Variants in OR6N1 observed in about 807,000 individuals in gnomAD.
The protein encoded by OR6N1 is olfactory receptor family 6 subfamily N member 1, also known as olfactory receptor 6N1.
For missense variants in OR6N1, 394 were observed against 371.7 expected, an observed-to-expected ratio of 1.06 and a Z score of -0.49; for synonymous variants, 170 against 150.7, an observed-to-expected ratio of 1.13 and a Z score of -0.94.
chr1:158,816,410 G>A, the OR6N1 span, among the ~76,000 whole-genome samples: 4 of 151,972 alleles, frequency 2.6e-5, no homozygotes, highest in African/African-American at 9.7e-5. Flanking sequence ...TTTTTGCCCA[G>A]GCTGGGAGCA....
the OR6N1 span, among the ~76,000 whole-genome samples, chr1:158,822,311 G>A: frequency 6.5e-4 from 99 of 152,242 alleles, no homozygotes; most frequent in South Asian, 5.8e-3. Context: ...CAATTTTAAT[G>A]TATTGATTAT....
chr1:158,788,846 G>C, the OR6N1 span, among the ~76,000 whole-genome samples: 1 of 151,866 alleles, frequency 6.6e-6, no homozygotes, highest in African/African-American at 2.4e-5. Context: ...TATCCAACTT[G>C]ATGTTTATGT....
the OR6N1 span, among the ~76,000 whole-genome samples, chr1:158,799,645 A>T: frequency 6.6e-6 from 1 of 152,244 alleles, no homozygotes; most frequent in Non-Finnish European, 1.5e-5. Flanking sequence ...GAAAATAGAC[A>T]AAGGACATCC....
At chr1:158,820,353 C>A in the OR6N1 span, among the ~76,000 whole-genome samples, 6 of 152,226 alleles carry the variant, frequency 3.9e-5, no homozygotes, top group Non-Finnish European at 5.9e-5. Context: ...CTATTCCCAA[C>A]AACTTTGAGT....
upstream of OR6N1, chr1:158,775,241 C>T (rs1558034902): frequency 6.6e-6 from 1 of 152,142 alleles, no homozygotes; most frequent in Non-Finnish European, 1.5e-5. Context: ...CAGAAGTCCT[C>T]TCAAAGCTAG....
chr1:158,789,924 T>C, the OR6N1 span, among the ~76,000 whole-genome samples: 1 of 152,238 alleles, frequency 6.6e-6, no homozygotes, highest in African/African-American at 2.4e-5. Context: ...GCCAATGCCC[T>C]GAAGTATTTC....
chr1:158,834,968 G>T, the OR6N1 span, among the ~76,000 whole-genome samples: 4 of 152,082 alleles, frequency 2.6e-5, no homozygotes, highest in Non-Finnish European at 1.5e-5. Context: ...ATATTCCATT[G>T]TTCTTTATGT....
At chr1:158,806,958 G>A in the OR6N1 span, among the ~76,000 whole-genome samples, 5 of 142,660 alleles carry the variant, frequency 3.5e-5, no homozygotes, top group South Asian at 4.4e-4. Context: ...AGCTGAGATC[G>A]CGCCATTGCA....
the OR6N1 span, among the ~76,000 whole-genome samples, chr1:158,826,129 G>A: frequency 2.0e-5 from 3 of 151,690 alleles, no homozygotes; most frequent in South Asian, 4.2e-4. Context: ...GGTGAAGGTT[G>A]GGAGAAAGGA....
At chr1:158,783,224 A>T in the OR6N1 span, among the ~76,000 whole-genome samples, 1 of 152,132 alleles carries the variant, frequency 6.6e-6, no homozygotes, top group Admixed American at 6.5e-5. Context: ...TTCTGCCAAT[A>T]CTAGAACCCA....
At chr1:158,810,777 A>G in the OR6N1 span, among the ~76,000 whole-genome samples, 8 of 152,168 alleles carry the variant, frequency 5.3e-5, no homozygotes, top group South Asian at 1.7e-3. Flanking sequence ...CTTCATCTCT[A>G]CTCCCTTCTG....
At chr1:158,804,602 AT>A in the OR6N1 span, among the ~76,000 whole-genome samples, 1 of 152,216 alleles carries the variant, frequency 6.6e-6, no homozygotes, top group South Asian at 2.1e-4. Flanking sequence ...GCTTACTAAA[AT>A]TTAGAAATAA....
At chr1:158,807,946 T>C in the OR6N1 span, among the ~76,000 whole-genome samples, 3 of 152,004 alleles carry the variant, frequency 2.0e-5, no homozygotes, top group African/African-American at 7.3e-5. Flanking sequence ...GGCATGGGTG[T>C]GTGCAGCATG....
chr1:158,802,857 C>A, the OR6N1 span, among the ~76,000 whole-genome samples: 1 of 152,090 alleles, frequency 6.6e-6, no homozygotes, highest in Non-Finnish European at 1.5e-5. Context: ...TTCATTATTA[C>A]TTTTACTTAT....
At chr1:158,767,214 C>A (rs11580751) in intron 1 of OR6N1, among the ~76,000 whole-genome samples, 18,837 of 152,114 alleles carry the variant, frequency 0.12, 1,217 homozygotes, top group East Asian at 0.17. Context: ...CTGCTCCCTC[C>A]TATTCCTTTA....
chr1:158,825,222 G>A, the OR6N1 span, among the ~76,000 whole-genome samples: 2 of 152,066 alleles, frequency 1.3e-5, no homozygotes, highest in African/African-American at 2.4e-5. Context: ...GGTGGATCAC[G>A]AGGCCAGGAG....
the OR6N1 span, among the ~76,000 whole-genome samples, chr1:158,806,793 CT>C: frequency 1.3e-5 from 2 of 151,916 alleles, no homozygotes; most frequent in Non-Finnish European, 1.5e-5. Context: ...GTACCAACAC[CT>C]TTCCATCTCT....
the OR6N1 span, among the ~76,000 whole-genome samples, chr1:158,782,677 T>C: frequency 6.6e-6 from 1 of 152,234 alleles, no homozygotes; most frequent in South Asian, 2.1e-4. Flanking sequence ...ATTAGGTATC[T>C]TAATGAATCT....
At chr1:158,789,208 TTG>T in the OR6N1 span, among the ~76,000 whole-genome samples, 1 of 152,206 alleles carries the variant, frequency 6.6e-6, no homozygotes, top group Non-Finnish European at 1.5e-5. Flanking sequence ...TAGTATCTCA[TTG>T]TGTGTATATG....
Sources: allele counts gnomAD v4.1 joint callset (sites outside exome capture counted in the v4.1 genomes callset), GRCh38; gene constraint gnomAD v4.1.1; transcripts MANE v1.5; gene names NCBI Gene and HGNC (gene_info 2026-07-23, HGNC 2026-07-21).